Variants in PTPRZ1 observed in about 807,000 individuals in gnomAD.
PTPRZ1 encodes protein tyrosine phosphatase receptor type Z1, also known as receptor-type tyrosine-protein phosphatase zeta.
Under a neutral mutation model 214.1 loss-of-function variants are expected in PTPRZ1, and 82 were observed. The observed-to-expected ratio is 0.38, with a 90% CI of 0.32 to 0.46. The LOEUF (loss-of-function observed/expected upper bound fraction) is 0.46, where lower values mean the gene tolerates loss of function less well. PTPRZ1 is among the 20% of genes least tolerant of loss of function. PTPRZ1 has a pLI of 1.00. For missense variants in PTPRZ1, 2,603 were observed against 2,748.7 expected, an observed-to-expected ratio of 0.95 and a Z score of 1.19; for synonymous variants, 945 against 987.9, an observed-to-expected ratio of 0.96 and a Z score of 0.81.
intron 20 of PTPRZ1, among the ~76,000 whole-genome samples, chr7:122,040,022 C>T (rs1799673402): frequency 6.6e-6 from 1 of 151,932 alleles, no homozygotes. Flanking sequence ...CTTATCACAG[C>T]TGCCGTCAGT....
chr7:122,001,272 A>G (rs1798314570), intron 10 of PTPRZ1, among the ~76,000 whole-genome samples: 1 of 152,154 alleles, frequency 6.6e-6, no homozygotes, highest in African/African-American at 2.4e-5. Context: ...TTCTTTTAAA[A>G]GACTTCTTAG....
intron 1 of PTPRZ1, among the ~76,000 whole-genome samples, chr7:121,905,489 G>A (rs1795088446): frequency 6.6e-6 from 1 of 152,142 alleles, no homozygotes; most frequent in Non-Finnish European, 1.5e-5. Context: ...ATTGGAGCAT[G>A]AGCATGAGAA....
intron 17 of PTPRZ1, among the ~76,000 whole-genome samples, chr7:122,036,240 C>A (rs1799529805): frequency 1.3e-5 from 2 of 152,152 alleles, no homozygotes; most frequent in African/African-American, 4.8e-5. Context: ...GCCCTTGTAA[C>A]CAACCTTAAA....
intron 2 of PTPRZ1, among the ~76,000 whole-genome samples, chr7:121,951,085 C>A (rs1332102821): frequency 6.6e-6 from 1 of 152,146 alleles, no homozygotes; most frequent in Non-Finnish European, 1.5e-5. Context: ...TGGAAGATTT[C>A]TTCCATTTTA....
chr7:121,963,549 A>C (rs1034823184), intron 2 of PTPRZ1, among the ~76,000 whole-genome samples: 3 of 152,208 alleles, frequency 2.0e-5, no homozygotes, highest in African/African-American at 7.2e-5. Flanking sequence ...GCACATGTGC[A>C]GTAACTGTAC....
chr7:121,990,444 A>T (rs1797917835), intron 8 of PTPRZ1, among the ~76,000 whole-genome samples: 1 of 150,438 alleles, frequency 6.6e-6, no homozygotes, highest in Non-Finnish European at 1.5e-5. Context: ...TGGAATGGAC[A>T]CTGGCTCTTC....
chr7:122,014,674 G>A (rs755087697), intron 12 of PTPRZ1, among the ~76,000 whole-genome samples: 22 of 152,074 alleles, frequency 1.4e-4, no homozygotes, highest in African/African-American at 1.7e-4. Context: ...TCCTGACCTC[G>A]TGATCCACCC....
At chr7:121,977,078 A>G (rs1797463157) in intron 6 of PTPRZ1, among the ~76,000 whole-genome samples, 1 of 152,238 alleles carries the variant, frequency 6.6e-6, no homozygotes, top group Non-Finnish European at 1.5e-5. Flanking sequence ...TAATGTAAGT[A>G]GGAAATTGAA....
intron 1 of PTPRZ1, among the ~76,000 whole-genome samples, chr7:121,907,250 CTGAT>C (rs1421300977): frequency 1.1e-4 from 17 of 151,974 alleles, no homozygotes; most frequent in Admixed American, 3.3e-4. Context: ...AGAAAATAAA[CTGAT>C]TGGCACATTT....
intron 1 of PTPRZ1, among the ~76,000 whole-genome samples, chr7:121,915,405 A>G (rs1469218821): frequency 6.6e-6 from 1 of 152,196 alleles, no homozygotes; most frequent in African/African-American, 2.4e-5. Context: ...TTTCATTTAA[A>G]TAGTATGTGA....
chr7:121,967,962 C>A lies in PTPRZ1; in HGVS notation c.136C>A (p.Gln46Lys). ...IGWSYTGALN[Q>K]KNWGKKYPTC... The stretch of plus-strand genomic sequence containing the variant: ...CTTCTTTTCCCTAGGAGCACTGAAT[C>A]AAAAAAATTGGGGAAAGAAATATCC... Residue 46 changes from glutamine to lysine, a missense_variant, in exon 3 of 30, where the codon CAA (glutamine) becomes AAA (lysine). Physicochemically the swap from Gln to Lys is moderately conservative, Grantham distance 53. Coordinates refer to ENST00000393386, the MANE Select transcript of PTPRZ1 (RefSeq NM_002851.3). 6.4e-7 allele frequency: 1 copy of A among 1,572,236 alleles called. No homozygotes were observed. The highest frequency in any genetic ancestry group is 1.2e-5 in the South Asian group (1 of 85,946).
rs1164736536 is a variant in PTPRZ1 at position 122,044,529 on chromosome 7, T to C, written c.6045T>C (p.Pro2015=). Residue 2015 remains proline, a synonymous_variant, in exon 23 of 30, where the codon CCT becomes CCC. Coordinates refer to ENST00000393386, the MANE Select transcript of PTPRZ1 (RefSeq NM_002851.3). ...CCTATGTTAATGCACTCCTCATTCC[T>C]GGACCAGCAGGCAAAACAAAGCTAG... The part of the protein sequence containing the change: ...IHAYVNALLI[P]GPAGKTKLEK... 4 of 1,613,732 alleles carry C rather than the reference T, an allele frequency of 2.5e-6. No homozygotes were observed. The highest frequency in any genetic ancestry group is 3.4e-6 in the Non-Finnish European group (4 of 1,179,808).
In PTPRZ1 at chr7:121,873,332, A is replaced by T. The variant is rs1038143027; in HGVS notation, c.-168A>T. 261 of 543,180 alleles carry T rather than the reference A, an allele frequency of 4.8e-4. No homozygotes were observed. Among genetic ancestry groups the T allele is most frequent in the East Asian group, 1.4e-3 (40 of 28,504 alleles). The allele number at this position is 543,180 out of a possible 1,614,324, so 33.6% of individuals were successfully genotyped here. A position where few individuals can be genotyped will look rare whatever the true frequency, so the allele number is the denominator to read the frequency against. On this transcript the variant is annotated 5_prime_UTR_variant, in exon 1 of 30. Coordinates refer to ENST00000393386, the MANE Select transcript of PTPRZ1 (RefSeq NM_002851.3). ...CTGTCTCTGTCTCTCTCTCTCTCAC[A>T]CACACACACACACACACAAACACAC...
At chr7:121,902,819 A>C (rs1795006666) in intron 1 of PTPRZ1, among the ~76,000 whole-genome samples, 1 of 152,134 alleles carries the variant, frequency 6.6e-6, no homozygotes, top group Non-Finnish European at 1.5e-5. Context: ...TGTTTAGTTT[A>C]TTGATCAATG....
chr7:121,952,168 G>A (rs1453969807), intron 2 of PTPRZ1, among the ~76,000 whole-genome samples: 1 of 152,020 alleles, frequency 6.6e-6, no homozygotes, highest in Non-Finnish European at 1.5e-5. Flanking sequence ...CCGTGTTAGC[G>A]AGCATGGTCT....
intron 23 of PTPRZ1, among the ~76,000 whole-genome samples, chr7:122,048,155 G>A (rs1398621053): frequency 6.6e-6 from 1 of 151,918 alleles, no homozygotes; most frequent in Non-Finnish European, 1.5e-5. Context: ...TATTTAAGAG[G>A]AAATTATAAA....
intron 13 of PTPRZ1, among the ~76,000 whole-genome samples, chr7:122,019,584 TTGTTA>T (rs527957566): frequency 1.1e-3 from 171 of 152,102 alleles, no homozygotes; most frequent in Non-Finnish European, 2.2e-3. Context: ...TTCTCGTTAG[TTGTTA>T]TAATTCCAAA....
chr7:122,051,443 A>T lies in PTPRZ1; in HGVS notation c.6100A>T (p.Asn2034Tyr). The T allele has an allele frequency of 6.2e-7, 1 of 1,612,934 alleles. No individual in the cohort carries two copies. Among genetic ancestry groups the T allele is most frequent in the Non-Finnish European group, 8.5e-7 (1 of 1,179,580 alleles). Reference sequence around the variant, plus strand: ...TCTTGCCCAGCTCCTGAGCCAGTCAAATATACAGCAGAGTGACTATTCTGC... The same window carrying T: ...TCTTGCCCAGCTCCTGAGCCAGTCATATATACAGCAGAGTGACTATTCTGC... ...EKQFQLLSQS[N>Y]IQQSDYSAAL... The change falls in exon 24 of 30, where the codon AAT becomes TAT. Residue 2034 changes from asparagine to tyrosine, a missense_variant. Coordinates refer to ENST00000393386, the MANE Select transcript of PTPRZ1 (RefSeq NM_002851.3).
chr7:121,878,988 C>A (rs1429368583), intron 1 of PTPRZ1, among the ~76,000 whole-genome samples: 1 of 152,166 alleles, frequency 6.6e-6, no homozygotes, highest in Non-Finnish European at 1.5e-5. Context: ...TCAGCATTCA[C>A]CTTGACCTGT....
Sources: gnomAD v4.1 joint callset for allele counts (sites outside exome capture counted in the v4.1 genomes callset) on GRCh38, gnomAD v4.1.1 for gene constraint, MANE v1.5 for transcripts, NCBI Gene and HGNC (gene_info 2026-07-23, HGNC 2026-07-21) for gene names.